DAG1: variants seen among roughly 807,000 people sequenced by gnomAD.
DAG1 encodes the protein dystroglycan 1, also known as dystroglycan 1 (dystrophin-associated glycoprotein 1).
DAG1 carries 8 observed loss-of-function variants against 46.1 expected under a neutral mutation model. The observed-to-expected ratio is 0.17, with a 90% CI of 0.10 to 0.31. The LOEUF (loss-of-function observed/expected upper bound fraction) is 0.31, where lower values mean the gene tolerates loss of function less well. DAG1 is among the 10% of genes least tolerant of loss of function. DAG1 has a pLI of 1.00. For synonymous variants in DAG1, 495 were observed against 481.8 expected (o/e 1.03, Z -0.36); for missense variants, 1,003 against 1,189.9 (o/e 0.84, Z 2.31).
intron 2 of DAG1, among the ~76,000 whole-genome samples, chr3:49,524,871 G>A (rs2051125723): frequency 6.6e-6 from 1 of 151,954 alleles, no homozygotes; most frequent in African/African-American, 2.4e-5. Flanking sequence ...CAGCTACTTG[G>A]GAGGCTGAGG....
At chr3:49,519,368 C>T (rs980874872) in intron 2 of DAG1, among the ~76,000 whole-genome samples, 2 of 152,174 alleles carry the variant, frequency 1.3e-5, no homozygotes, top group African/African-American at 4.8e-5. Context: ...TGGACCTTCC[C>T]TCAGCCCAAG....
intron 2 of DAG1, among the ~76,000 whole-genome samples, chr3:49,512,389 TTTAA>T (rs913914393): frequency 1.2e-4 from 18 of 151,648 alleles, no homozygotes; most frequent in African/African-American, 2.2e-4. Context: ...TTTAATTTAT[TTTAA>T]TTAATTAATT....
chr3:49,472,264 AAG>A (rs1381093304), intron 1 of DAG1, among the ~76,000 whole-genome samples: 1 of 152,114 alleles, frequency 6.6e-6, no homozygotes, highest in Admixed American at 6.6e-5. Context: ...GCCATCAGAA[AAG>A]AGAGACTGAA....
In DAG1 at chr3:49,532,239, C is replaced by T. The variant is rs1360231774; in HGVS notation, c.1728C>T (p.Phe576=). 1.2e-6 allele frequency: 2 copies of T among 1,613,976 alleles called. No homozygotes were observed. The highest frequency in any genetic ancestry group is 8.5e-7 in the Non-Finnish European group (1 of 1,179,810). ...DSSHVGKHEY[F]MHATDKGGLS... is the part of the protein sequence containing the mutation. Reference sequence around the variant, plus strand: ...GCCACGTGGGCAAACACGAGTATTTCATGCATGCCACAGACAAGGGGGGCC... The same window carrying T: ...GCCACGTGGGCAAACACGAGTATTTTATGCATGCCACAGACAAGGGGGGCC... Residue 576 remains phenylalanine (F), a synonymous_variant, in exon 3 of 3, where the codon TTC becomes TTT. Transcript: ENST00000308775. This position sits in a 1 kb window ranked among gnomAD's most constrained non-coding sequence, Gnocchi z 5.4.
rs1006950315 is a variant in DAG1, at chr3:49,485,017, C to T, written c.-117+14584C>T. On this transcript the variant is annotated intron_variant, in intron 1 of 2. Coordinates refer to ENST00000308775, the MANE Select transcript of DAG1 (RefSeq NM_004393.6). ...TTTTATTTTATTTGAGACGGAGTCT[C>T]GCTCTGTCGCCCAGGCTGGAGTGCA... 2.6e-5 allele frequency among the ~76,000 whole-genome samples: 4 copies of T among 152,086 alleles called. No homozygotes were observed. In the South Asian group the frequency reaches 6.2e-4, roughly 24 times the overall value.
At chr3:49,505,609 T>C (rs1260799150) in intron 1 of DAG1, among the ~76,000 whole-genome samples, 1 of 152,214 alleles carries the variant, frequency 6.6e-6, no homozygotes, top group Admixed American at 6.5e-5. Flanking sequence ...TGGCATTTTC[T>C]ACATAGACAA....
Position 49,533,252 on chromosome 3 carries a change from G to C in DAG1, c.*53G>C, listed in dbSNP as rs2051419928. 11 of 1,599,504 alleles carry C rather than the reference G, an allele frequency of 6.9e-6. No homozygotes were observed. The South Asian group carries it at 1.2e-4, about 18-fold the overall frequency. On this transcript the variant is annotated 3_prime_UTR_variant, in exon 3 of 3. Coordinates refer to ENST00000308775, the MANE Select transcript of DAG1 (RefSeq NM_004393.6). ...TAGGGCAGGGGCCTGGAGACGACAT[G>C]GTGTTGTCTGTGGAGACCGGTGGCC...
intron 1 of DAG1, among the ~76,000 whole-genome samples, chr3:49,477,775 A>G (rs144911379): frequency 0.027 from 4,070 of 150,544 alleles, 173 homozygotes; most frequent in African/African-American, 0.094. Context: ...CAGCCTGGCC[A>G]ACATGGCGAA....
Position 49,491,625 on chromosome 3 carries a change from C to T in DAG1, c.-116-18794C>T, listed in dbSNP as rs370234562. Among the ~76,000 whole-genome samples the T allele has an allele frequency of 2.2e-4, 34 of 151,824 alleles. 1 individual carries two copies. The East Asian group carries it at 2.9e-3, about 13-fold the overall frequency. ...CCAAGTAGCTGGGACTGCAGGCGTC[C>T]GCCAACACGCCTGGCTAATTTTTTG... is the stretch of plus-strand genomic sequence containing the variant. On this transcript the variant is annotated intron_variant, in intron 1 of 2. Coordinates refer to ENST00000308775, the MANE Select transcript of DAG1 (RefSeq NM_004393.6).
intron 1 of DAG1, among the ~76,000 whole-genome samples, chr3:49,507,635 TTTTTTC>T (rs1337432171): frequency 2.0e-5 from 3 of 151,896 alleles, no homozygotes; most frequent in African/African-American, 7.2e-5. Flanking sequence ...TTTTTTCTTT[TTTTTTC>T]TTTTTCTTTT....
At chr3:49,502,794 A>G (rs2050492811) in intron 1 of DAG1, among the ~76,000 whole-genome samples, 3 of 151,638 alleles carry the variant, frequency 2.0e-5, no homozygotes, top group Non-Finnish European at 1.5e-5. Flanking sequence ...GCCCGCCACC[A>G]CACCTGGCTA....
intron 1 of DAG1, among the ~76,000 whole-genome samples, chr3:49,495,133 C>T (rs1246522479): frequency 6.6e-6 from 1 of 152,142 alleles, no homozygotes; most frequent in East Asian, 1.9e-4. Context: ...CCCCAGTAGA[C>T]ACTGATCATC....
At chr3:49,474,162 C>T (rs1217409611) in intron 1 of DAG1, among the ~76,000 whole-genome samples, 1 of 152,138 alleles carries the variant, frequency 6.6e-6, no homozygotes, top group Non-Finnish European at 1.5e-5. Context: ...TCAAGTGATT[C>T]TCCTGTCTTG....
intron 2 of DAG1, among the ~76,000 whole-genome samples, chr3:49,530,389 G>A (rs1240073854): frequency 6.6e-6 from 1 of 152,188 alleles, no homozygotes; most frequent in Non-Finnish European, 1.5e-5. Context: ...GAAGTCTGAG[G>A]CAAGGGTGGA....
Position 49,503,873 on chromosome 3 carries a change from C to G in DAG1, c.-116-6546C>G, listed in dbSNP as rs1298233363. On this transcript the variant is annotated intron_variant, in intron 1 of 2. Transcript: ENST00000308775. ...GAAATTTAAAGGTTTTTTTTTGAGACAGAGTCTTACTGTGTCAGATTTAAA... is the reference window on the plus strand; with the variant it reads ...GAAATTTAAAGGTTTTTTTTTGAGAGAGAGTCTTACTGTGTCAGATTTAAA... Among the ~76,000 whole-genome samples the G allele has an allele frequency of 2.0e-5, 3 of 150,292 alleles. No homozygotes were observed. The South Asian group carries it at 6.3e-4, about 32-fold the overall frequency.
chr3:49,485,222 G>A (rs1043334783), intron 1 of DAG1, among the ~76,000 whole-genome samples: 3 of 151,754 alleles, frequency 2.0e-5, no homozygotes, highest in Admixed American at 2.0e-4. Context: ...TGATCTGCCC[G>A]CCTCAGGCTC....
rs763468897 is a variant in DAG1, at chr3:49,510,514, T to G, written c.-21T>G. On this transcript the variant is annotated 5_prime_UTR_variant, in exon 2 of 3. Coordinates refer to ENST00000308775, the MANE Select transcript of DAG1 (RefSeq NM_004393.6). ...TTCCTTACTTAGCAAGACTATCGAC[T>G]TGAGCAAACTTGGACCTGGGATGAG... 1 of 1,611,706 alleles carries G rather than the reference T, an allele frequency of 6.2e-7. No homozygotes were observed. The highest frequency in any genetic ancestry group is 8.5e-7 in the Non-Finnish European group (1 of 1,179,876).
Position 49,533,283 on chromosome 3 carries a change from A to C in DAG1, c.*84A>C. 1 of 1,570,676 alleles carries C rather than the reference A, an allele frequency of 6.4e-7. No homozygotes were observed. The highest frequency in any genetic ancestry group is 8.6e-7 in the Non-Finnish European group (1 of 1,163,940). On this transcript the variant is annotated 3_prime_UTR_variant, in exon 3 of 3. Coordinates refer to ENST00000308775, the MANE Select transcript of DAG1 (RefSeq NM_004393.6). ...GTCTGTGGAGACCGGTGGCCTGCAG[A>C]CCATTGCCCACCGGGAGCCGACACC...
intron 2 of DAG1, among the ~76,000 whole-genome samples, chr3:49,515,486 A>G (rs977539855): frequency 6.6e-6 from 1 of 150,884 alleles, no homozygotes; most frequent in Non-Finnish European, 1.5e-5. Context: ...TCCTAGCTTA[A>G]GCAATCCTCT....
Sources: gnomAD v4.1 joint callset for allele counts (sites outside exome capture counted in the v4.1 genomes callset) on GRCh38, gnomAD v4.1.1 for gene constraint, Gnocchi (gnomAD v3.1) non-coding constraint, MANE v1.5 for transcripts, NCBI Gene and HGNC (gene_info 2026-07-23, HGNC 2026-07-21) for gene names.